Variants in SHOC1 observed in about 807,000 individuals in gnomAD.
The protein encoded by SHOC1 is shortage in chiasmata 1.
A neutral mutation model predicts 179.2 loss-of-function variants in SHOC1; 136 were observed. The ratio of observed to expected loss-of-function variants is 0.76; its 90% CI spans 0.66 to 0.87. The LOEUF (loss-of-function observed/expected upper bound fraction) is 0.87, where lower values mean the gene tolerates loss of function less well. Ranked by LOEUF, SHOC1 falls within the 40% of genes least tolerant of loss-of-function variation. The pLI, the probability that SHOC1 is intolerant of heterozygous loss-of-function variation, is 0.00. For missense variants in SHOC1, 1,538 were observed against 1,700.8 expected (o/e 0.90, Z 1.68); for synonymous variants, 489 against 586.6 (o/e 0.83, Z 2.41).
intron 12 of SHOC1, among the ~76,000 whole-genome samples, chr9:111,734,268 T>C (rs141711571): frequency 3.2e-4 from 49 of 152,334 alleles, no homozygotes; most frequent in Middle Eastern, 6.8e-3. Flanking sequence ...GAATATCAAA[T>C]ATGAATATGT....
intron 15 of SHOC1, among the ~76,000 whole-genome samples, 187 bp from the exon 16 acceptor site, chr9:111,718,475 C>A (rs1832897220): frequency 6.6e-6 from 1 of 152,058 alleles, no homozygotes; most frequent in South Asian, 2.1e-4. Flanking sequence ...TTATTATGAT[C>A]CAAATTTTAT....
chr9:111,766,378 G>T (rs946476710), intron 5 of SHOC1, among the ~76,000 whole-genome samples: 1 of 152,126 alleles, frequency 6.6e-6, no homozygotes, highest in African/African-American at 2.4e-5. Flanking sequence ...ATGTCTTTTT[G>T]ATATAATTTC....
At position 111,722,502 on chromosome 9, in the gene SHOC1, T is replaced by C. The variant is rs1053143765; in HGVS notation, c.2038A>G (p.Thr680Ala). Reference protein sequence around the residue: ...KNLVSLCTLPTANWKFATVIF... With the variant: ...KNLVSLCTLPAANWKFATVIF... ...ACAGTGGCAAATTTCCAATTAGCAG[T>C]AGGGAGGGTACACAAGGATACAAGG... Residue 680 changes from threonine to alanine, a missense_variant, in exon 15 of 28, where the codon ACT (threonine) becomes GCT (alanine). Thr to Ala is a moderately conservative substitution (Grantham distance 58, BLOSUM62 0). Transcript: ENST00000682961. 1 of 1,612,794 alleles carries C rather than the reference T, an allele frequency of 6.2e-7. No homozygotes were observed. Among genetic ancestry groups the C allele is most frequent in the African/African-American group, 1.3e-5 (1 of 74,978 alleles).
Position 111,779,114 on chromosome 9 carries a change from A to G in SHOC1, c.257+1816T>C, listed in dbSNP as rs1166203342. ...ACTCTGTGTCAAAAAAAAAAAAAAA[A>G]AGAGAGAGAGAGAGAGAGAGATGAA... On this transcript the variant is annotated intron_variant, in intron 4 of 27. Coordinates refer to ENST00000682961, the MANE Select transcript of SHOC1 (RefSeq NM_001378211.1). Among the ~76,000 whole-genome samples, 8 of 129,808 alleles carry G rather than the reference A, an allele frequency of 6.2e-5. No homozygotes were observed. In the South Asian group the frequency reaches 9.6e-4, roughly 16 times the overall value. The allele number at this position is 129,808 out of a possible 152,430, so 85.2% of individuals were successfully genotyped here.
intron 5 of SHOC1, among the ~76,000 whole-genome samples, chr9:111,768,881 G>GA (rs35237492): frequency 0.41 from 62,288 of 151,918 alleles, 14,228 homozygotes; most frequent in East Asian, 0.77. Context: ...CATTCAGTAT[G>GA]AAGTTAACTA....
intron 26 of SHOC1, among the ~76,000 whole-genome samples, chr9:111,692,720 T>G (rs1180390565): frequency 6.6e-6 from 1 of 152,160 alleles, no homozygotes; most frequent in Non-Finnish European, 1.5e-5. Flanking sequence ...TGTAATAGAA[T>G]TTTTAATAGT....
chr9:111,769,973 C>CT (rs1835500223), intron 5 of SHOC1, among the ~76,000 whole-genome samples: 1 of 24,646 alleles, frequency 4.1e-5, no homozygotes, highest in Non-Finnish European at 8.0e-5. Flanking sequence ...GTTTTATCTT[C>CT]TGTTTTTTTT....
chr9:111,690,592 T>C (rs1332148968), intron 27 of SHOC1, among the ~76,000 whole-genome samples: 1 of 152,218 alleles, frequency 6.6e-6, no homozygotes, highest in East Asian at 1.9e-4. Flanking sequence ...AATAGGTCAG[T>C]AGAGAAAACA....
intron 11 of SHOC1, among the ~76,000 whole-genome samples, chr9:111,739,186 A>G (rs1327764068): frequency 6.6e-6 from 1 of 152,104 alleles, no homozygotes; most frequent in Non-Finnish European, 1.5e-5. Flanking sequence ...AATAATAGTA[A>G]TTACAAGTTA....
intron 18 of SHOC1, among the ~76,000 whole-genome samples, chr9:111,711,224 G>A (rs1343028035): frequency 1.3e-5 from 2 of 152,176 alleles, no homozygotes; most frequent in Non-Finnish European, 2.9e-5. Flanking sequence ...AGAGACAGGA[G>A]GCAGCCAATG....
chr9:111,759,405 C>T (rs1835035347), intron 5 of SHOC1: 4 of 1,456,084 alleles, frequency 2.7e-6, no homozygotes, highest in Non-Finnish European at 3.6e-6. Context: ...AAAGAATCTA[C>T]TTGAGGAGTA....
chr9:111,780,367 G>C (rs1011358264), intron 4 of SHOC1, among the ~76,000 whole-genome samples: 1 of 152,140 alleles, frequency 6.6e-6, no homozygotes, highest in African/African-American at 2.4e-5. Flanking sequence ...TTATGCCTAC[G>C]TTTACAATGT....
intron 12 of SHOC1, among the ~76,000 whole-genome samples, chr9:111,734,446 A>G (rs933659544): frequency 6.6e-6 from 1 of 152,184 alleles, no homozygotes; most frequent in African/African-American, 2.4e-5. Flanking sequence ...CGTGGGTACC[A>G]TCTAGGCCTA....
intron 24 of SHOC1, among the ~76,000 whole-genome samples, chr9:111,697,626 A>G (rs1185838651): frequency 1.3e-5 from 2 of 152,132 alleles, no homozygotes; most frequent in Admixed American, 1.3e-4. Flanking sequence ...AGTCTTTGCT[A>G]TTGTGAATAG....
chr9:111,775,984 A>G lies in SHOC1; in HGVS notation c.258-9T>C, dbSNP rs753834687. On this transcript the variant is annotated splice_polypyrimidine_tract_variant and intron_variant, in intron 4 of 27. Transcript: ENST00000682961. ...TTCTTGTAATTGTTTTTCTGTGACA[A>G]TATAAAATTACTAATGTTATGTATG... is the stretch of plus-strand genomic sequence containing the variant. The G allele has an allele frequency of 6.2e-7, 1 of 1,606,048 alleles. No homozygotes were observed. The highest frequency in any genetic ancestry group is 1.7e-5 in the Admixed American group (1 of 59,648).
intron 2 of SHOC1, 140 bp from the exon 3 acceptor site, chr9:111,786,175 T>G: frequency 1.8e-6 from 1 of 554,252 alleles, no homozygotes; most frequent in Non-Finnish European, 2.8e-6. Context: ...AAAACAGGCA[T>G]ACCTAATCCC....
intron 12 of SHOC1, among the ~76,000 whole-genome samples, chr9:111,736,055 G>T (rs1727724316): frequency 6.6e-6 from 1 of 152,114 alleles, no homozygotes; most frequent in African/African-American, 2.4e-5. Context: ...ACTGCTGAAA[G>T]AAATCATAGA....
chr9:111,784,345 C>A (rs919815430), intron 3 of SHOC1, among the ~76,000 whole-genome samples: 4 of 152,112 alleles, frequency 2.6e-5, no homozygotes, highest in African/African-American at 9.7e-5. Flanking sequence ...AATCTTTATT[C>A]TTCTATTTTG....
At chr9:111,792,622 C>A (rs1387742737) in intron 1 of SHOC1, among the ~76,000 whole-genome samples, 2 of 151,858 alleles carry the variant, frequency 1.3e-5, no homozygotes, top group Non-Finnish European at 1.5e-5. Flanking sequence ...CAAAAACAAC[C>A]CAGAGCACAA....
Sources: allele counts gnomAD v4.1 joint callset (sites outside exome capture counted in the v4.1 genomes callset), GRCh38; gene constraint gnomAD v4.1.1; transcripts MANE v1.5; gene names NCBI Gene and HGNC (gene_info 2026-07-23, HGNC 2026-07-21).